SNCAIP: variants seen among roughly 807,000 people sequenced by gnomAD.
SNCAIP encodes synuclein alpha interacting protein.
SNCAIP carries 43 observed loss-of-function variants against 86.7 expected under a neutral mutation model. The ratio of observed to expected loss-of-function variants is 0.50; its 90% CI spans 0.39 to 0.64. The LOEUF (loss-of-function observed/expected upper bound fraction) is 0.64, where lower values mean the gene tolerates loss of function less well. Ranked by LOEUF, SNCAIP falls within the 30% of genes least tolerant of loss-of-function variation. The probability of loss-of-function intolerance (pLI) is 0.00; values close to 1 mark genes in which losing one functional copy is unlikely to be tolerated. For missense variants in SNCAIP, 981 were observed against 1,103.1 expected (o/e 0.89, Z 1.57); for synonymous variants, 417 against 427.2 (o/e 0.98, Z 0.29).
chr5:122,436,460 A>C (rs1449432021), intron 6 of SNCAIP: 1 of 152,198 alleles, frequency 6.6e-6, no homozygotes, highest in Non-Finnish European at 1.5e-5. Flanking sequence ...GTATAGGAGA[A>C]ACTTGCAAAG....
intron 1 of SNCAIP, among the ~76,000 whole-genome samples, chr5:122,352,902 T>TA (rs1387015423): frequency 6.6e-6 from 1 of 152,188 alleles, no homozygotes; most frequent in Non-Finnish European, 1.5e-5. Context: ...TGGTGAACTT[T>TA]ACCTAGAACA....
chr5:122,360,214 T>G (rs1055530948), intron 1 of SNCAIP, among the ~76,000 whole-genome samples: 11 of 152,222 alleles, frequency 7.2e-5, no homozygotes, highest in Non-Finnish European at 1.5e-4. Context: ...GGCCAGCCTT[T>G]TTGCTCTAAA....
At chr5:122,401,739 G>C (rs1771846466) in intron 2 of SNCAIP, among the ~76,000 whole-genome samples, 1 of 152,212 alleles carries the variant, frequency 6.6e-6, no homozygotes, top group Non-Finnish European at 1.5e-5. Flanking sequence ...GGCAGTGGCA[G>C]TGACTCACCT....
At chr5:122,363,417 C>T (rs551982166) in intron 1 of SNCAIP, among the ~76,000 whole-genome samples, 2 of 152,280 alleles carry the variant, frequency 1.3e-5, no homozygotes, top group African/African-American at 4.8e-5. Context: ...GGGACTTGGT[C>T]TACAACTGGC....
intron 1 of SNCAIP, among the ~76,000 whole-genome samples, chr5:122,343,062 T>C (rs78914906): frequency 2.6e-5 from 4 of 152,236 alleles, no homozygotes; most frequent in African/African-American, 9.6e-5. Flanking sequence ...TAAAATAGTT[T>C]TGGCAAATAT....
rs1187206680 is a variant in SNCAIP at position 122,425,467 on chromosome 5, T to C, written c.1118T>C (p.Met373Thr). ...TGTCTACAGCACCTCACTTCTTTGA[T>C]GGGAGAAGACTGCCTCAATGAGCGC... The part of the protein sequence containing the change: ...AECLQHLTSL[M>T]GEDCLNERNT... The change falls in exon 5 of 11, where the codon ATG becomes ACG. Residue 373 changes from methionine to threonine, a missense_variant. Physicochemically the swap from Met to Thr is moderately conservative, Grantham distance 81. Transcript: ENST00000261368. 7.4e-6 allele frequency: 12 copies of C among 1,614,008 alleles called. No homozygotes were observed. The highest frequency in any genetic ancestry group is 1.0e-5 in the Non-Finnish European group (12 of 1,179,996).
intron 6 of SNCAIP, among the ~76,000 whole-genome samples, chr5:122,436,027 A>C (rs2152955765): frequency 6.6e-6 from 1 of 152,244 alleles, no homozygotes; most frequent in East Asian, 1.9e-4. Flanking sequence ...AGGGGCACAA[A>C]GGGAGCATGT....
At chr5:122,349,977 T>A (rs1759434324) in intron 1 of SNCAIP, among the ~76,000 whole-genome samples, 1 of 152,202 alleles carries the variant, frequency 6.6e-6, no homozygotes, top group South Asian at 2.1e-4. Context: ...AGCTGTGTTG[T>A]ATTCTTCCCT....
At position 122,463,607 on chromosome 5, in the gene SNCAIP, C is replaced by T. The variant is rs1280302573; in HGVS notation, c.*111C>T. ...TTTTAAATTTTCTCTCACTGATGCC[C>T]TTTGGAAATTATTGGAAATTTCTGG... On this transcript the variant is annotated 3_prime_UTR_variant, in exon 11 of 11. Transcript: ENST00000261368. The T allele has an allele frequency of 3.3e-6, 4 of 1,217,820 alleles. No homozygotes were observed. The highest frequency in any genetic ancestry group is 4.8e-6 in the Non-Finnish European group (4 of 837,202). The allele number at this position is 1,217,820 out of a possible 1,614,324, so 75.4% of individuals were successfully genotyped here. A position where few individuals can be genotyped will look rare whatever the true frequency, so the allele number is the denominator to read the frequency against.
chr5:122,414,376 A>G (rs1013161198), intron 3 of SNCAIP, among the ~76,000 whole-genome samples: 3 of 150,544 alleles, frequency 2.0e-5, no homozygotes, highest in South Asian at 2.1e-4. Flanking sequence ...GATTACAGGC[A>G]TGCACCACCA....
Position 122,337,613 on chromosome 5 carries a change from A to G in SNCAIP, c.-47+25329A>G, listed in dbSNP as rs369388737. Among the ~76,000 whole-genome samples the G allele has an allele frequency of 4.9e-4, 74 of 152,284 alleles. 1 individual carries two copies. The East Asian group carries it at 0.01, about 21-fold the overall frequency. The stretch of plus-strand genomic sequence containing the variant: ...GAGTGCAGTGGTGCAATCTCAGCTC[A>G]CTGCAACCTCTGCCTCCTGGGTTCA... On this transcript the variant is annotated intron_variant, in intron 1 of 10. Coordinates refer to ENST00000261368, the MANE Select transcript of SNCAIP (RefSeq NM_005460.4).
intron 1 of SNCAIP, among the ~76,000 whole-genome samples, chr5:122,332,595 C>T (rs1028969327): frequency 3.9e-5 from 6 of 152,218 alleles, no homozygotes; most frequent in Non-Finnish European, 8.8e-5. Context: ...TATGACAAGA[C>T]CTAGAGCTGT....
intron 3 of SNCAIP, among the ~76,000 whole-genome samples, chr5:122,413,384 T>C (rs952604671): frequency 2.0e-5 from 3 of 152,200 alleles, no homozygotes; most frequent in Admixed American, 6.5e-5. Context: ...TTTCCTCTTA[T>C]ATTATCTCCC....
chr5:122,336,004 C>T (rs1486599838), intron 1 of SNCAIP, among the ~76,000 whole-genome samples: 1 of 152,058 alleles, frequency 6.6e-6, no homozygotes, highest in African/African-American at 2.4e-5. Context: ...AATTTTAAGA[C>T]AGAAAAGGAA....
intron 1 of SNCAIP, among the ~76,000 whole-genome samples, chr5:122,342,217 TG>T (rs1757737366): frequency 6.6e-6 from 1 of 152,158 alleles, no homozygotes; most frequent in Non-Finnish European, 1.5e-5. Flanking sequence ...GCCTATTCAC[TG>T]TTGTCTTGTC....
chr5:122,362,901 C>G (rs1305167950), intron 1 of SNCAIP, among the ~76,000 whole-genome samples: 1 of 152,108 alleles, frequency 6.6e-6, no homozygotes, highest in Non-Finnish European at 1.5e-5. Flanking sequence ...GGCTTAAGTC[C>G]CAGACAAACA....
At chr5:122,434,563 G>A (rs1331881413) in intron 6 of SNCAIP, among the ~76,000 whole-genome samples, 2 of 152,142 alleles carry the variant, frequency 1.3e-5, no homozygotes, top group African/African-American at 4.8e-5. Flanking sequence ...CTTCATGCTA[G>A]TGTCAATATT....
chr5:122,450,226 G>A (rs1363768552), intron 9 of SNCAIP, among the ~76,000 whole-genome samples: 2 of 151,546 alleles, frequency 1.3e-5, no homozygotes, highest in East Asian at 1.9e-4. Context: ...GGGAATAGGA[G>A]ATATATATAT....
chr5:122,393,844 C>T (rs1446221711), intron 2 of SNCAIP, among the ~76,000 whole-genome samples: 1 of 152,114 alleles, frequency 6.6e-6, no homozygotes, highest in Non-Finnish European at 1.5e-5. Context: ...CATACCTTAG[C>T]GAAGCCAGAA....
Sources: allele counts gnomAD v4.1 joint callset (sites outside exome capture counted in the v4.1 genomes callset), GRCh38; gene constraint gnomAD v4.1.1; transcripts MANE v1.5; gene names NCBI Gene and HGNC (gene_info 2026-07-23, HGNC 2026-07-21).